The following DSG1 variants were observed in gnomAD, a reference collection of about 807,000 sequenced individuals.
DSG1 encodes the protein desmoglein 1.
DSG1 carries 39 observed loss-of-function variants against 97.5 expected under a neutral mutation model. The observed-to-expected ratio is 0.40, with a 90% CI of 0.31 to 0.52. DSG1 has a LOEUF of 0.52. Ranked by LOEUF, DSG1 falls within the 20% of genes least tolerant of loss-of-function variation. The pLI, the probability that DSG1 is intolerant of heterozygous loss-of-function variation, is 0.53. For missense variants in DSG1, 1,311 were observed against 1,295.4 expected (o/e 1.01, Z -0.18); for synonymous variants, 475 against 443.4 (o/e 1.07, Z -0.90).
At chr18:31,347,022 A>G (rs1400853745) in intron 14 of DSG1, among the ~76,000 whole-genome samples, 3 of 152,166 alleles carry the variant, frequency 2.0e-5, no homozygotes, top group African/African-American at 7.2e-5. Flanking sequence ...GCAATTGTCC[A>G]TGGTTACACA....
intron 4 of DSG1, among the ~76,000 whole-genome samples, 180 bp downstream of exon 4, chr18:31,328,524 T>C (rs1369867758): frequency 2.0e-5 from 3 of 152,278 alleles, no homozygotes; most frequent in African/African-American, 7.2e-5. Flanking sequence ...GAAGGAAATG[T>C]TTCACTTAAG....
chr18:31,333,430 T>A (rs1415032156), intron 6 of DSG1, among the ~76,000 whole-genome samples, 159 bp from the exon 7 acceptor site: 1 of 152,216 alleles, frequency 6.6e-6, no homozygotes, highest in Non-Finnish European at 1.5e-5. Context: ...TTATTGGGAA[T>A]AATCATGTGA....
chr18:31,354,156 A>C, intron 14 of DSG1, 141 bp from the exon 15 acceptor site: 1 of 664,694 alleles, frequency 1.5e-6, no homozygotes, highest in Non-Finnish European at 2.6e-6. Flanking sequence ...TGATTTTTAG[A>C]GCATCTCTAG....
chr18:31,358,564 A>G lies in DSG1; in HGVS notation c.*3218A>G, dbSNP rs1055324489. On this transcript the variant is annotated 3_prime_UTR_variant, in exon 15 of 15. Transcript: ENST00000257192. ...AGTAGATGTTTTTAGTTATCTGGCA[A>G]TTTATTTCTGAATTTATACCAATGT... Among the ~76,000 whole-genome samples the G allele has an allele frequency of 1.2e-4, 18 of 151,976 alleles. No individual in the cohort carries two copies. The highest frequency in any genetic ancestry group is 4.1e-4 in the African/African-American group (17 of 41,430).
chr18:31,329,862 C>A, intron 4 of DSG1, 30 bp from the exon 5 acceptor site: 1 of 1,610,324 alleles, frequency 6.2e-7, no homozygotes, highest in Non-Finnish European at 8.5e-7. Flanking sequence ...CTGTGTTTCA[C>A]TGTATAATTA....
rs911073955 is a variant in DSG1, at chr18:31,338,442, C to G, written c.1393C>G (p.Leu465Val). The change falls in exon 10 of 15, where the codon CTC becomes GTC. Residue 465 changes from leucine to valine, a missense_variant. By Grantham distance (32) the Leu-to-Val change is conservative. Around this residue, in one of 3 missense-constraint regions of DSG1, gnomAD observed 1,038 missense variants for 964.6 expected, o/e 1.08. Transcript: ENST00000257192. ...MLGGKYQGTI[L>V]SIDDNLQRTC... ...CGGAGGAAAATACCAAGGAACGATT[C>G]TCTCTATAGATGGTAAGAAATTAAT... is the stretch of plus-strand genomic sequence containing the variant. The G allele has an allele frequency of 6.2e-7, 1 of 1,613,258 alleles. No homozygotes were observed. Among genetic ancestry groups the G allele is most frequent in the Admixed American group, 1.7e-5 (1 of 60,022 alleles).
chr18:31,322,811 T>C (rs949452885), intron 1 of DSG1, among the ~76,000 whole-genome samples: 4 of 152,286 alleles, frequency 2.6e-5, no homozygotes, highest in Non-Finnish European at 5.9e-5. Flanking sequence ...ATGCAAGAGA[T>C]TTTTTAAATA....
intron 14 of DSG1, among the ~76,000 whole-genome samples, chr18:31,346,842 C>T (rs1242445750): frequency 6.6e-6 from 1 of 152,090 alleles, no homozygotes; most frequent in Non-Finnish European, 1.5e-5. Context: ...GTTGTATTGC[C>T]AGTACATAGC....
At position 31,351,953 on chromosome 18, in the gene DSG1, C is replaced by A. The variant is rs1460418910; in HGVS notation, c.2101-2344C>A. Among the ~76,000 whole-genome samples, 248 of 151,326 alleles carry A rather than the reference C, an allele frequency of 1.6e-3. 1 individual carries two copies. Among genetic ancestry groups the A allele is most frequent in the Middle Eastern group, 0.014 (4 of 290 alleles). On this transcript the variant is annotated intron_variant, in intron 14 of 14. Coordinates refer to ENST00000257192, the MANE Select transcript of DSG1 (RefSeq NM_001942.4). The stretch of plus-strand genomic sequence containing the variant: ...GCCAGTCTGTGTCTTTTAATTGGAG[C>A]ATTTAGTCCATTTACATTTAAAGTT...
chr18:31,347,380 C>A (rs1404049228), intron 14 of DSG1, among the ~76,000 whole-genome samples: 2 of 151,586 alleles, frequency 1.3e-5, no homozygotes, highest in Non-Finnish European at 2.9e-5. Flanking sequence ...CCATCACTTT[C>A]TTTTTCTTTA....
Position 31,343,593 on chromosome 18 carries a change from A to T in DSG1, c.1821+10A>T, listed in dbSNP as rs1487372393. The T allele has an allele frequency of 1.2e-6, 2 of 1,614,014 alleles. No homozygotes were observed. Among genetic ancestry groups the T allele is most frequent in the Non-Finnish European group, 1.7e-6 (2 of 1,180,016 alleles). On this transcript the variant is annotated intron_variant, in intron 12 of 14. Transcript: ENST00000257192. ...ACAGCCTGAACCCAGGGTAAGTGCC[A>T]CATTCTAAGAAATAGCCGTTGGTAG...
chr18:31,351,733 T>C (rs28831133), intron 14 of DSG1, among the ~76,000 whole-genome samples: 73,057 of 146,968 alleles, frequency 0.5, 19,143 homozygotes, highest in East Asian at 0.82. Context: ...ATGGCCTTCT[T>C]TGTCTCTTTT....
chr18:31,333,758 T>A (rs1244384392), intron 7 of DSG1, 35 bp downstream of exon 7: 1 of 1,607,994 alleles, frequency 6.2e-7, no homozygotes, highest in East Asian at 2.2e-5. Context: ...TAAATCTAAA[T>A]TCGCTATATT....
Position 31,355,230 on chromosome 18 carries a change from A to G in DSG1, c.3034A>G (p.Ile1012Val), listed in dbSNP as rs772329489. 1 of 1,608,088 alleles carries G rather than the reference A, an allele frequency of 6.2e-7. No homozygotes were observed. The highest frequency in any genetic ancestry group is 8.5e-7 in the Non-Finnish European group (1 of 1,175,984). ...GLSSLGGTAS[I>V]GHMRSSSDHH... ...GAGCAGCTTGGGAGGGACAGCCAGC[A>G]TTGGCCACATGAGGAGTTCCTCTGA... The change falls in exon 15 of 15, where the codon ATT (isoleucine) becomes GTT (valine). Residue 1012 changes from isoleucine (I) to valine (V), a missense_variant. Coordinates refer to ENST00000257192, the MANE Select transcript of DSG1 (RefSeq NM_001942.4).
At chr18:31,343,753 C>G (rs908947302) in intron 12 of DSG1, 170 bp downstream of exon 12, 14 of 1,181,424 alleles carry the variant, frequency 1.2e-5, no homozygotes, top group Non-Finnish European at 1.6e-5. Flanking sequence ...ATGGAAGTAA[C>G]CAGGGAAGAT....
intron 14 of DSG1, among the ~76,000 whole-genome samples, chr18:31,349,511 T>C (rs1598714077): frequency 6.8e-6 from 1 of 146,984 alleles, no homozygotes; most frequent in South Asian, 2.2e-4. Flanking sequence ...AAGAAAGTCA[T>C]TGGTAGCTTG....
At position 31,339,741 on chromosome 18, in the gene DSG1, C is replaced by T; in HGVS notation, c.1406-3C>T. On this transcript the variant is annotated splice_region_variant and splice_polypyrimidine_tract_variant and intron_variant, in intron 10 of 14. Transcript: ENST00000257192. ...ATTTCTTCCATTTTGAACGTTATTA[C>T]AGATAATCTTCAAAGAACTTGCACT... 1 of 1,603,416 alleles carries T rather than the reference C, an allele frequency of 6.2e-7. No homozygotes were observed. The highest frequency in any genetic ancestry group is 1.3e-5 in the African/African-American group (1 of 74,750).
intron 10 of DSG1, 119 bp downstream of exon 10, chr18:31,338,573 G>A: frequency 2.9e-6 from 3 of 1,050,848 alleles, no homozygotes; most frequent in Non-Finnish European, 4.3e-6. Flanking sequence ...TGTCACACTG[G>A]GCATTATAGA....
At chr18:31,324,994 T>G (rs759036631) in intron 1 of DSG1, among the ~76,000 whole-genome samples, 11 of 152,320 alleles carry the variant, frequency 7.2e-5, no homozygotes, top group Admixed American at 3.9e-4. Context: ...AAAACTAAAG[T>G]TCAGAGAATT....
Sources: allele counts gnomAD v4.1 joint callset (sites outside exome capture counted in the v4.1 genomes callset), GRCh38; gene constraint gnomAD v4.1.1; regional missense constraint gnomAD v4.1.1; transcripts MANE v1.5; gene names NCBI Gene and HGNC (gene_info 2026-07-23, HGNC 2026-07-21).